The following DAPP1 variants were observed in gnomAD, a reference collection of about 807,000 sequenced individuals.
The protein encoded by DAPP1 is dual adapter for phosphotyrosine and 3-phosphotyrosine and 3-phosphoinositide.
DAPP1 carries 20 observed loss-of-function variants against 41.5 expected under a neutral mutation model. The observed-to-expected ratio is 0.48, with a 90% CI of 0.34 to 0.70. The LOEUF is 0.70. DAPP1 is among the 30% of genes least tolerant of loss of function. The pLI is 0.01. For synonymous variants in DAPP1, 113 were observed against 116.2 expected, an observed-to-expected ratio of 0.97 and a Z score of 0.18; for missense variants, 233 against 333.4, an observed-to-expected ratio of 0.70 and a Z score of 2.35.
chr4:99,840,479 C>T, intron 3 of DAPP1, 57 bp downstream of exon 3: 1 of 1,543,752 alleles, frequency 6.5e-7, no homozygotes, highest in Non-Finnish European at 8.7e-7. Flanking sequence ...GGAGGAGAGA[C>T]AAGGCAGATT....
intron 4 of DAPP1, 29 bp downstream of exon 4, chr4:99,853,377 T>C (rs1332834323): frequency 2.3e-6 from 3 of 1,298,774 alleles, no homozygotes; most frequent in Non-Finnish European, 2.2e-6. Flanking sequence ...GACCACAAGC[T>C]CTCTCCCTGT....
intron 7 of DAPP1, 31 bp from the exon 8 acceptor site, chr4:99,866,003 A>G: frequency 1.7e-6 from 1 of 582,738 alleles, no homozygotes; most frequent in Non-Finnish European, 2.6e-6. Flanking sequence ...ATGATCTGCA[A>G]TATCTTATGT....
At chr4:99,819,307 T>A (rs1722690970) in intron 1 of DAPP1, among the ~76,000 whole-genome samples, 3 of 152,174 alleles carry the variant, frequency 2.0e-5, no homozygotes, top group Admixed American at 6.5e-5. Context: ...TGGGAAGAGT[T>A]GGGGTGTGGA....
intron 2 of DAPP1, among the ~76,000 whole-genome samples, chr4:99,839,646 A>T (rs1005112034): frequency 6.6e-6 from 1 of 152,080 alleles, no homozygotes; most frequent in Non-Finnish European, 1.5e-5. Flanking sequence ...GTCATATGTC[A>T]TTTCTATCAT....
chr4:99,858,654 A>G (rs1724129670), intron 4 of DAPP1, among the ~76,000 whole-genome samples: 1 of 152,200 alleles, frequency 6.6e-6, no homozygotes, highest in South Asian at 2.1e-4. Flanking sequence ...TGTTTTAATC[A>G]TTACTATGAT....
At chr4:99,860,357 C>T (rs531102639) in intron 4 of DAPP1, among the ~76,000 whole-genome samples, 1 of 152,236 alleles carries the variant, frequency 6.6e-6, no homozygotes, top group East Asian at 1.9e-4. Flanking sequence ...CAATTTACTC[C>T]TAGTTATTTT....
At chr4:99,839,449 C>T (rs17539582) in intron 2 of DAPP1, among the ~76,000 whole-genome samples, 6,819 of 150,414 alleles carry the variant, frequency 0.045, 225 homozygotes, top group Middle Eastern at 0.12. Context: ...TACTCTGCCT[C>T]ATTTCAAAAA....
rs1724554802 is a variant in DAPP1 at position 99,868,900 on chromosome 4, G to A, written c.*715G>A. On this transcript the variant is annotated 3_prime_UTR_variant, in exon 9 of 9. Transcript: ENST00000512369. ...TTTAAACCATTATTTTCACCCTGTTGGGGTAAATGTTTTAAAGAGTGAGAA... is the reference window on the plus strand; with the variant it reads ...TTTAAACCATTATTTTCACCCTGTTAGGGTAAATGTTTTAAAGAGTGAGAA... 1 of 152,090 alleles carries A rather than the reference G, an allele frequency of 6.6e-6. No homozygotes were observed. Among genetic ancestry groups the A allele is most frequent in the South Asian group, 2.1e-4 (1 of 4,826 alleles). The allele number at this position is 152,090 out of a possible 1,614,324, so 9.4% of individuals were successfully genotyped here. A position where few individuals can be genotyped will look rare whatever the true frequency, so the allele number is the denominator to read the frequency against.
intron 4 of DAPP1, among the ~76,000 whole-genome samples, chr4:99,857,711 C>G (rs931847015): frequency 7.7e-6 from 1 of 129,172 alleles, no homozygotes; most frequent in Non-Finnish European, 1.9e-5. Context: ...TACACACACA[C>G]ACACACACAC....
chr4:99,817,526 T>TA, intron 1 of DAPP1, among the ~76,000 whole-genome samples: 1 of 152,356 alleles, frequency 6.6e-6, no homozygotes, highest in Non-Finnish European at 1.5e-5. Flanking sequence ...TTTCTCCTGA[T>TA]ACTGCATTTG....
chr4:99,820,532 G>T (rs964957455), intron 1 of DAPP1, among the ~76,000 whole-genome samples: 1 of 152,256 alleles, frequency 6.6e-6, no homozygotes, highest in African/African-American at 2.4e-5. Context: ...TTCTCAAATC[G>T]AAAGTTGTAT....
intron 6 of DAPP1, among the ~76,000 whole-genome samples, chr4:99,863,310 C>G (rs564854163): frequency 2.6e-5 from 4 of 152,078 alleles, no homozygotes; most frequent in Non-Finnish European, 5.9e-5. Flanking sequence ...CACGTAATTC[C>G]CTCTGTTTAG....
chr4:99,865,542 G>A (rs536090964), intron 7 of DAPP1: 17 of 152,190 alleles, frequency 1.1e-4, no homozygotes, highest in African/African-American at 2.9e-4. Context: ...AGTTATCCTC[G>A]TTGAAGCAAG....
Position 99,861,589 on chromosome 4 carries a change from A to G in DAPP1, c.501A>G (p.Lys167=), listed in dbSNP as rs1392770346. The G allele has an allele frequency of 6.4e-7, 1 of 1,573,778 alleles. No individual in the cohort carries two copies. Among genetic ancestry groups the G allele is most frequent in the Admixed American group, 1.9e-5 (1 of 54,020 alleles). The change falls in exon 5 of 9, where the codon AAA becomes AAG. Residue 167 remains lysine (K), a synonymous_variant. Transcript: ENST00000512369. ...LVPTAPSLGT[K]EGYLTKQGGL... is the part of the protein sequence containing the mutation. ...CTTTTCTTTTTCAGCTGGGCACCAA[A>G]GAAGGTTACCTCACCAAACAGGGAG...
chr4:99,840,550 T>C, intron 3 of DAPP1, 128 bp downstream of exon 3: 1 of 1,112,542 alleles, frequency 9.0e-7, no homozygotes, highest in Non-Finnish European at 1.3e-6. Flanking sequence ...GAGAAAACAA[T>C]GTATTTTGTA....
intron 7 of DAPP1, 129 bp from the exon 8 acceptor site, chr4:99,865,905 A>ATATAT (rs1215229998): frequency 4.2e-5 from 2 of 47,192 alleles, no homozygotes; most frequent in East Asian, 9.7e-4. Flanking sequence ...CAACTAATAT[A>ATATAT]TATATATATA....
chr4:99,851,891 T>C (rs370920726), intron 3 of DAPP1, among the ~76,000 whole-genome samples: 3 of 151,998 alleles, frequency 2.0e-5, no homozygotes, highest in African/African-American at 7.2e-5. Flanking sequence ...AGGGTGTTTT[T>C]TAACCACAGA....
intron 8 of DAPP1, among the ~76,000 whole-genome samples, 178 bp from the exon 9 acceptor site, chr4:99,867,939 A>C (rs1037147822): frequency 2.6e-5 from 4 of 152,226 alleles, no homozygotes; most frequent in African/African-American, 9.7e-5. Context: ...AAAAAAAAAT[A>C]CAGAAAATTT....
intron 2 of DAPP1, among the ~76,000 whole-genome samples, chr4:99,838,480 G>T (rs1723377578): frequency 6.6e-6 from 1 of 152,124 alleles, no homozygotes; most frequent in South Asian, 2.1e-4. Context: ...TGGCACCAGG[G>T]GCTGGTTTTG....
Sources: allele counts gnomAD v4.1 joint callset (sites outside exome capture counted in the v4.1 genomes callset), GRCh38; gene constraint gnomAD v4.1.1; transcripts MANE v1.5; gene names NCBI Gene and HGNC (gene_info 2026-07-23, HGNC 2026-07-21).